The following GRID2 variants were observed in gnomAD, a reference collection of about 807,000 sequenced individuals.
GRID2 encodes the protein glutamate ionotropic receptor delta type subunit 2, also known as glutamate receptor ionotropic, delta-2.
In GRID2, 33 loss-of-function variants were observed where a neutral mutation model predicts 114.8. That is an observed-to-expected ratio of 0.29 (90% confidence interval 0.22 to 0.38). GRID2 has a LOEUF of 0.38. Ranked by LOEUF, GRID2 falls within the 10% of genes least tolerant of loss-of-function variation. The pLI, the probability that GRID2 is intolerant of heterozygous loss-of-function variation, is 1.00. For synonymous variants in GRID2, 505 were observed against 449.9 expected (o/e 1.12, Z -1.55); for missense variants, 1,184 against 1,257.7 (o/e 0.94, Z 0.89).
At chr4:93,782,836 C>T (rs191850058) in intron 1 of GRID2, among the ~76,000 whole-genome samples, 1 of 151,974 alleles carries the variant, frequency 6.6e-6, no homozygotes, top group East Asian at 1.9e-4. Context: ...GATTATAATT[C>T]TTTGCTATGT....
intron 2 of GRID2, among the ~76,000 whole-genome samples, chr4:92,854,094 TTCA>T (rs1744015434): frequency 6.6e-6 from 1 of 151,948 alleles, no homozygotes; most frequent in African/African-American, 2.4e-5. Flanking sequence ...TCTTTCTTTC[TTCA>T]TCATGTGGCT....
intron 8 of GRID2, among the ~76,000 whole-genome samples, chr4:93,294,820 T>C (rs922472308): frequency 2.0e-5 from 3 of 152,080 alleles, no homozygotes; most frequent in African/African-American, 7.2e-5. Context: ...TCAGCCTCTC[T>C]AAGTGCTGGG....
intron 8 of GRID2, among the ~76,000 whole-genome samples, chr4:93,293,481 A>C (rs910258668): frequency 3.3e-5 from 5 of 152,160 alleles, no homozygotes; most frequent in Non-Finnish European, 5.9e-5. Flanking sequence ...AACTGAAACA[A>C]AGTGTTACAG....
chr4:93,438,098 T>C (rs1721273704), intron 10 of GRID2, among the ~76,000 whole-genome samples: 1 of 152,134 alleles, frequency 6.6e-6, no homozygotes, highest in Admixed American at 6.6e-5. Context: ...TTCATCCATT[T>C]ATCTGCACAT....
At chr4:92,544,529 T>G (rs1351873712) in intron 1 of GRID2, among the ~76,000 whole-genome samples, 1 of 152,140 alleles carries the variant, frequency 6.6e-6, no homozygotes, top group Non-Finnish European at 1.5e-5. Flanking sequence ...TATATTATAC[T>G]CAATGCTTTT....
At chr4:93,482,384 CAAGGACATGGATGAAACT>C (rs1374523687) in intron 11 of GRID2, among the ~76,000 whole-genome samples, 1 of 151,928 alleles carries the variant, frequency 6.6e-6, no homozygotes, top group Non-Finnish European at 1.5e-5. Flanking sequence ...ATGTCCTTTG[CAAGGACATGGATGAAACT>C]GGAAAACATC....
intron 2 of GRID2, among the ~76,000 whole-genome samples, chr4:92,639,363 A>G (rs1276823494): frequency 6.6e-6 from 1 of 151,822 alleles, no homozygotes; most frequent in Non-Finnish European, 1.5e-5. Flanking sequence ...AGTTAATATA[A>G]AAACAAATGA....
At chr4:92,715,700 A>T (rs1302281495) in intron 2 of GRID2, among the ~76,000 whole-genome samples, 18 of 152,138 alleles carry the variant, frequency 1.2e-4, no homozygotes, top group Non-Finnish European at 1.5e-5. Flanking sequence ...CAGATCTGAG[A>T]TTTATTCACT....
chr4:92,506,745 T>TC (rs1723992958), intron 1 of GRID2, among the ~76,000 whole-genome samples: 2 of 151,924 alleles, frequency 1.3e-5, no homozygotes, highest in South Asian at 4.1e-4. Flanking sequence ...TACAGAGCAT[T>TC]CAGGTATTCC....
intron 1 of GRID2, among the ~76,000 whole-genome samples, chr4:92,444,329 C>A (rs912476301): frequency 6.6e-6 from 1 of 151,720 alleles, no homozygotes; most frequent in Non-Finnish European, 1.5e-5. Flanking sequence ...AAGGGTGGGG[C>A]CGTTTTATAG....
intron 1 of GRID2, among the ~76,000 whole-genome samples, chr4:92,311,999 G>A (rs1279032614): frequency 1.3e-5 from 2 of 152,050 alleles, no homozygotes; most frequent in African/African-American, 4.8e-5. Context: ...GACAAAGTAT[G>A]TTTTCATTGG....
chr4:93,631,676 A>G (rs1299873327), intron 14 of GRID2, among the ~76,000 whole-genome samples: 1 of 152,142 alleles, frequency 6.6e-6, no homozygotes. Context: ...CAATAAATAT[A>G]CGTGTGCATG....
At chr4:92,769,618 T>G (rs547491897) in intron 2 of GRID2, among the ~76,000 whole-genome samples, 2 of 152,304 alleles carry the variant, frequency 1.3e-5, no homozygotes, top group South Asian at 4.1e-4. Flanking sequence ...GAAATCTAGG[T>G]GGAGGTTCTC....
intron 2 of GRID2, among the ~76,000 whole-genome samples, chr4:92,948,940 G>A (rs1751838330): frequency 6.6e-6 from 1 of 151,522 alleles, no homozygotes. Context: ...TTTTTTTCAG[G>A]AAGAAACTTC....
At chr4:93,105,083 T>C (rs2149344688) in intron 3 of GRID2, among the ~76,000 whole-genome samples, 1 of 152,274 alleles carries the variant, frequency 6.6e-6, no homozygotes, top group South Asian at 2.1e-4. Flanking sequence ...TTTTCATGTG[T>C]CTTTTGGCTG....
At chr4:92,439,299 G>A (rs917195239) in intron 1 of GRID2, among the ~76,000 whole-genome samples, 23 of 152,028 alleles carry the variant, frequency 1.5e-4, no homozygotes, top group Non-Finnish European at 2.8e-4. Flanking sequence ...GTGGGGCAGG[G>A]CATATTCACT....
At chr4:92,625,753 A>G (rs1411923095) in intron 2 of GRID2, among the ~76,000 whole-genome samples, 1 of 151,962 alleles carries the variant, frequency 6.6e-6, no homozygotes, top group Admixed American at 6.6e-5. Context: ...AGTGATTCTT[A>G]TGCTAGCCTA....
chr4:92,921,287 G>A (rs1030017424), intron 2 of GRID2, among the ~76,000 whole-genome samples: 5 of 151,820 alleles, frequency 3.3e-5, no homozygotes, highest in Non-Finnish European at 7.4e-5. Flanking sequence ...CTTTACCGTG[G>A]GTTCGAACTT....
In GRID2 at chr4:92,815,869, C is replaced by T. The variant is rs1014184993; in HGVS notation, c.244+225583C>T. On this transcript the variant is annotated intron_variant, in intron 2 of 15. Transcript: ENST00000282020. ...CCAGGAGGCTGCAGTGAGCCGTGACCGTATCACTGTACTCCAGCCAAGGTG... is the reference window on the plus strand; with the variant it reads ...CCAGGAGGCTGCAGTGAGCCGTGACTGTATCACTGTACTCCAGCCAAGGTG... Among the ~76,000 whole-genome samples, 9 of 139,044 alleles carry T rather than the reference C, an allele frequency of 6.5e-5. No individual in the cohort carries two copies. In the South Asian group the frequency reaches 1.6e-3, roughly 25 times the overall value. 91.2% of individuals were successfully genotyped at this position (139,044 alleles called of 152,430 possible).
Sources: allele counts gnomAD v4.1 joint callset (sites outside exome capture counted in the v4.1 genomes callset), GRCh38; gene constraint gnomAD v4.1.1; transcripts MANE v1.5; gene names NCBI Gene and HGNC (gene_info 2026-07-23, HGNC 2026-07-21).